The following COL23A1 variants were observed in gnomAD, a reference collection of about 807,000 sequenced individuals.
The protein encoded by COL23A1 is collagen alpha-1(XXIII) chain.
In COL23A1, 97 loss-of-function variants were observed where a neutral mutation model predicts 99.3. That is an observed-to-expected ratio of 0.98 (90% CI 0.83 to 1.16). The LOEUF is 1.16. COL23A1 is among the 50% of genes most tolerant of loss of function. The pLI is 0.00. For synonymous variants in COL23A1, 320 were observed against 308.2 expected (o/e 1.04, Z -0.40); for missense variants, 762 against 757.4 (o/e 1.01, Z -0.07).
intron 2 of COL23A1, among the ~76,000 whole-genome samples, chr5:178,550,469 C>T (rs1450391585): frequency 1.3e-5 from 2 of 152,086 alleles, no homozygotes; most frequent in East Asian, 3.9e-4. Flanking sequence ...CATGTGACCT[C>T]CTGGGGGCAA....
At chr5:178,584,521 G>A (rs1322348784) in intron 1 of COL23A1, among the ~76,000 whole-genome samples, 1 of 152,154 alleles carries the variant, frequency 6.6e-6, no homozygotes, top group African/African-American at 2.4e-5. Flanking sequence ...TTGAAATTAA[G>A]CTGCACCATC....
At chr5:178,355,111 A>G (rs1037859199) in intron 2 of COL23A1, among the ~76,000 whole-genome samples, 1 of 152,034 alleles carries the variant, frequency 6.6e-6, no homozygotes, top group Non-Finnish European at 1.5e-5. Flanking sequence ...TTTACATAGC[A>G]TTTACATCAT....
At chr5:178,420,180 C>T (rs560392342) in intron 2 of COL23A1, among the ~76,000 whole-genome samples, 8 of 152,268 alleles carry the variant, frequency 5.3e-5, no homozygotes, top group South Asian at 2.1e-4. Context: ...ATCAGCCACA[C>T]GGCTTAGGGA....
intron 2 of COL23A1, among the ~76,000 whole-genome samples, chr5:178,356,381 A>AG (rs1470108992): frequency 2.6e-5 from 4 of 151,426 alleles, no homozygotes; most frequent in Admixed American, 2.6e-4. Context: ...GCTGTTATGA[A>AG]AAAAGGCAAG....
intron 2 of COL23A1, among the ~76,000 whole-genome samples, chr5:178,528,355 C>A (rs754409559): frequency 1.4e-4 from 22 of 152,206 alleles, no homozygotes; most frequent in Non-Finnish European, 2.5e-4. Context: ...CTGCTAATGA[C>A]AGCCTCATTT....
At chr5:178,541,406 G>T (rs1761278029) in intron 2 of COL23A1, among the ~76,000 whole-genome samples, 2 of 152,170 alleles carry the variant, frequency 1.3e-5, no homozygotes, top group Non-Finnish European at 2.9e-5. Flanking sequence ...TGGGCGACAT[G>T]GTGAAACCCC....
intron 2 of COL23A1, chr5:178,378,121 A>G (rs1763180811): frequency 6.6e-6 from 1 of 152,288 alleles, no homozygotes; most frequent in Admixed American, 6.5e-5. Context: ...CCCAGGTCAG[A>G]AGCAGAGCAG....
At chr5:178,411,938 G>C (rs150087170) in intron 2 of COL23A1, among the ~76,000 whole-genome samples, 1 of 152,244 alleles carries the variant, frequency 6.6e-6, no homozygotes, top group Non-Finnish European at 1.5e-5. Context: ...ATGTTACTGA[G>C]AGAATAAGTC....
In COL23A1 at chr5:178,272,380, G is replaced by A. The variant is rs61076906; in HGVS notation, c.442-2017C>T. ...AGTGGCCACTCCACGTGGGGCTCGCGGCCAGGGCCTTGCTGGCAGCAGGAA... is the reference window on the plus strand; with the variant it reads ...AGTGGCCACTCCACGTGGGGCTCGCAGCCAGGGCCTTGCTGGCAGCAGGAA... On this transcript the variant is annotated intron_variant, in intron 5 of 28. Coordinates refer to ENST00000390654, the MANE Select transcript of COL23A1 (RefSeq NM_173465.4). Among the ~76,000 whole-genome samples, 1,518 of 152,290 alleles carry A rather than the reference G, an allele frequency of 1.0e-2. 26 individuals are homozygous for A. The highest frequency in any genetic ancestry group is 0.035 in the African/African-American group (1,459 of 41,558).
intron 2 of COL23A1, among the ~76,000 whole-genome samples, chr5:178,317,924 C>A (rs1030169097): frequency 6.6e-6 from 1 of 152,134 alleles, no homozygotes; most frequent in South Asian, 2.1e-4. Flanking sequence ...CACGAGATCT[C>A]GATGACTACC....
At chr5:178,359,841 T>C (rs575676056) in intron 2 of COL23A1, among the ~76,000 whole-genome samples, 1 of 152,280 alleles carries the variant, frequency 6.6e-6, no homozygotes, top group African/African-American at 2.4e-5. Context: ...GGAGCAGGAC[T>C]GGGATGGCTC....
chr5:178,494,800 T>C (rs558267921), intron 2 of COL23A1, among the ~76,000 whole-genome samples: 2 of 152,286 alleles, frequency 1.3e-5, no homozygotes, highest in Admixed American at 1.3e-4. Context: ...CCCTCCTCTG[T>C]TAGTCACAGC....
rs184020087 is a variant in COL23A1 at position 178,301,900 on chromosome 5, C to T, written c.406+4975G>A. On this transcript the variant is annotated intron_variant, in intron 3 of 28. Transcript: ENST00000390654. ...CACAGCTTCAATCCACCTCTGTGTG[C>T]GCCGCAGCACAGCTTCAATTCACCT... is the stretch of plus-strand genomic sequence containing the variant. 3.0e-3 allele frequency among the ~76,000 whole-genome samples: 445 copies of T among 147,028 alleles called. 2 individuals are homozygous for T. Among genetic ancestry groups the T allele is most frequent in the African/African-American group, 0.011 (426 of 39,398 alleles).
rs991361302 is a variant in COL23A1, at chr5:178,254,987, C to A, written c.922G>T (p.Val308Leu). 8 of 1,613,774 alleles carry A rather than the reference C, an allele frequency of 5.0e-6. No individual in the cohort carries two copies. The highest frequency in any genetic ancestry group is 6.8e-6 in the Non-Finnish European group (8 of 1,179,804). The change falls in exon 16 of 29, where the codon GTG becomes TTG. Residue 308 changes from valine (V) to leucine (L), a missense_variant. Val to Leu is a conservative substitution (Grantham distance 32). Coordinates refer to ENST00000390654, the MANE Select transcript of COL23A1 (RefSeq NM_173465.4). ...GLKGEQGDTV[V>L]IDYDGRILDA... is the part of the protein sequence containing the mutation. ...AAGATCCTGCCATCATAGTCGATCA[C>A]CACTGTGTCTCCCTGCTCGCCCTTG... is the stretch of plus-strand genomic sequence containing the variant.
intron 2 of COL23A1, among the ~76,000 whole-genome samples, chr5:178,329,576 C>T (rs1220164551): frequency 6.6e-6 from 1 of 152,166 alleles, no homozygotes; most frequent in African/African-American, 2.4e-5. Context: ...TTAGGGACCC[C>T]GAGTCACACC....
chr5:178,536,962 A>G (rs1029957624), intron 2 of COL23A1, among the ~76,000 whole-genome samples: 2 of 151,910 alleles, frequency 1.3e-5, no homozygotes, highest in Admixed American at 1.3e-4. Flanking sequence ...TTAGGATCTG[A>G]CCCTGCAGAG....
chr5:178,283,629 A>G (rs1544928), intron 5 of COL23A1, among the ~76,000 whole-genome samples: 75,791 of 152,126 alleles, frequency 0.5, 22,146 homozygotes, highest in Non-Finnish European at 0.67. Flanking sequence ...GAAAGTCACT[A>G]AAGCTTAATG....
At chr5:178,332,381 G>C (rs995217434) in intron 2 of COL23A1, among the ~76,000 whole-genome samples, 1 of 152,184 alleles carries the variant, frequency 6.6e-6, no homozygotes, top group Non-Finnish European at 1.5e-5. Context: ...GCATGATCCT[G>C]AGCCAGCAGC....
rs112678909 is a variant in COL23A1 at position 178,494,881 on chromosome 5, T to TC, written c.361+65800dup. ...TGGGCCACAGGGAACAATGACATTTTCCCACCTGCACCAGCACACGCACAT... is the reference window on the plus strand; with the variant it reads ...TGGGCCACAGGGAACAATGACATTTTCCCCACCTGCACCAGCACACGCACAT... On this transcript the variant is annotated intron_variant, in intron 2 of 28. Transcript: ENST00000390654. Among the ~76,000 whole-genome samples, 495 of 152,212 alleles carry TC rather than the reference T, an allele frequency of 3.3e-3. 5 individuals carry two copies. The highest frequency in any genetic ancestry group is 0.011 in the African/African-American group (466 of 41,528).
Sources: gnomAD v4.1 joint callset for allele counts (sites outside exome capture counted in the v4.1 genomes callset) on GRCh38, gnomAD v4.1.1 for gene constraint, MANE v1.5 for transcripts, NCBI Gene and HGNC (gene_info 2026-07-23, HGNC 2026-07-21) for gene names.